SNX29: variants seen among roughly 807,000 people sequenced by gnomAD.
SNX29 encodes the protein sorting nexin 29, also known as sorting nexin-29.
In SNX29, 78 loss-of-function variants were observed where a neutral mutation model predicts 102.1. The observed-to-expected ratio is 0.76, with a 90% CI of 0.64 to 0.92. The LOEUF is 0.92. SNX29 is among the 40% of genes least tolerant of loss of function. SNX29 has a pLI of 0.00. For missense variants in SNX29, 1,280 were observed against 1,061.7 expected (o/e 1.21, Z -2.86); for synonymous variants, 580 against 414.5 (o/e 1.40, Z -4.85).
At chr16:12,409,715 G>T (rs998414837) in intron 18 of SNX29, among the ~76,000 whole-genome samples, 2 of 152,104 alleles carry the variant, frequency 1.3e-5, no homozygotes, top group Non-Finnish European at 2.9e-5. Flanking sequence ...CCTTAAAAAA[G>T]CTCACCTATT....
intron 16 of SNX29, among the ~76,000 whole-genome samples, chr16:12,365,402 T>G (rs1689214682): frequency 6.6e-6 from 1 of 151,246 alleles, no homozygotes; most frequent in African/African-American, 2.4e-5. Context: ...TGTCAGGCTC[T>G]TCGGAGGCCG....
intron 13 of SNX29, among the ~76,000 whole-genome samples, chr16:12,166,493 C>T (rs796197514): frequency 5.3e-5 from 8 of 152,240 alleles, no homozygotes; most frequent in African/African-American, 1.2e-4. Context: ...AGCAGGAAGG[C>T]GGGGGGCATA....
intron 20 of SNX29, among the ~76,000 whole-genome samples, chr16:12,562,708 G>C (rs1355189021): frequency 6.6e-6 from 1 of 152,182 alleles, no homozygotes; most frequent in African/African-American, 2.4e-5. Context: ...CGAGATTGAA[G>C]CCTACCGTGG....
At chr16:12,372,379 T>G (rs901111784) in intron 16 of SNX29, among the ~76,000 whole-genome samples, 2 of 152,248 alleles carry the variant, frequency 1.3e-5, no homozygotes, top group African/African-American at 4.8e-5. Flanking sequence ...TTTAAATTCC[T>G]GTAATCCTCT....
In SNX29 at chr16:12,345,601, T is replaced by C. The variant is rs182882256; in HGVS notation, c.1783-10562T>C. Among the ~76,000 whole-genome samples, 74 of 152,296 alleles carry C rather than the reference T, an allele frequency of 4.9e-4. 2 individuals carry two copies. Among genetic ancestry groups the C allele is most frequent in the Admixed American group, 2.6e-4 (4 of 15,304 alleles). ...GTAAGTGCTCAGAAAACAGTAACTG[T>C]TGTTGCCACTACTACTGGGGGATGA... On this transcript the variant is annotated intron_variant, in intron 15 of 20. Coordinates refer to ENST00000566228, the MANE Select transcript of SNX29 (RefSeq NM_032167.5).
At chr16:12,209,169 C>T (rs142124404) in intron 14 of SNX29, among the ~76,000 whole-genome samples, 5 of 152,276 alleles carry the variant, frequency 3.3e-5, no homozygotes, top group African/African-American at 9.6e-5. Context: ...GTGAAACTCA[C>T]GGGTTGCAGG....
At chr16:12,085,350 G>C (rs759420775) in intron 11 of SNX29, among the ~76,000 whole-genome samples, 1 of 152,124 alleles carries the variant, frequency 6.6e-6, no homozygotes, top group Non-Finnish European at 1.5e-5. Context: ...CCTTTTGGAC[G>C]GCGTCTCGCT....
At chr16:12,554,773 C>A (rs940628283) in intron 20 of SNX29, among the ~76,000 whole-genome samples, 1 of 147,656 alleles carries the variant, frequency 6.8e-6, no homozygotes, top group South Asian at 2.1e-4. Context: ...CTCTCTCCCC[C>A]GCCATAGAAT....
intron 19 of SNX29, among the ~76,000 whole-genome samples, chr16:12,502,247 C>T (rs1454092827): frequency 6.6e-6 from 1 of 152,132 alleles, no homozygotes; most frequent in Non-Finnish European, 1.5e-5. Context: ...GGCATGGGTT[C>T]TGGGGTCAGA....
chr16:12,030,592 C>T (rs140556728), intron 4 of SNX29, among the ~76,000 whole-genome samples: 5 of 152,152 alleles, frequency 3.3e-5, no homozygotes, highest in Admixed American at 6.5e-5. Flanking sequence ...TCTTTCTCCC[C>T]GACTTGTGTT....
chr16:12,468,812 G>C (rs2087199300), intron 18 of SNX29, among the ~76,000 whole-genome samples: 1 of 152,206 alleles, frequency 6.6e-6, no homozygotes, highest in Non-Finnish European at 1.5e-5. Context: ...TGAAGGAGGA[G>C]TACACACCCT....
intron 18 of SNX29, among the ~76,000 whole-genome samples, chr16:12,467,684 CCTT>C (rs765043585): frequency 1.6e-4 from 25 of 152,280 alleles, no homozygotes; most frequent in Middle Eastern, 6.8e-3. Flanking sequence ...TTCATTCTGT[CCTT>C]CTTAAAAGTT....
chr16:12,223,215 T>C (rs938017207), intron 14 of SNX29, among the ~76,000 whole-genome samples: 6 of 152,162 alleles, frequency 3.9e-5, no homozygotes, highest in African/African-American at 9.7e-5. Context: ...AGTTTACTTA[T>C]GTGTAAAATC....
At chr16:12,492,956 A>C (rs2088625723) in intron 19 of SNX29, among the ~76,000 whole-genome samples, 1 of 152,256 alleles carries the variant, frequency 6.6e-6, no homozygotes, top group Admixed American at 6.5e-5. Flanking sequence ...GTTTGAAGTC[A>C]GGTAGGGTGA....
intron 18 of SNX29, among the ~76,000 whole-genome samples, chr16:12,437,864 G>T (rs1597378039): frequency 1.3e-5 from 2 of 152,268 alleles, no homozygotes; most frequent in East Asian, 1.9e-4. Context: ...CTTCCCCCCA[G>T]CCCAGGGCCA....
chr16:12,431,759 C>T (rs2085326272), intron 18 of SNX29, among the ~76,000 whole-genome samples: 1 of 152,188 alleles, frequency 6.6e-6, no homozygotes, highest in Admixed American at 6.5e-5. Context: ...ATCTTCTGAG[C>T]TGTTACCTAA....
At chr16:12,407,085 A>G (rs574776146) in intron 18 of SNX29, among the ~76,000 whole-genome samples, 3 of 152,180 alleles carry the variant, frequency 2.0e-5, no homozygotes, top group South Asian at 2.1e-4. Flanking sequence ...AGCGTGTGGG[A>G]TGGCAAGATG....
Position 12,570,174 on chromosome 16 carries a change from G to T in SNX29, c.*1545G>T. ...ACACACAGCGCCCCCCCACCCCAGA[G>T]AAACCGAGTCAGCCTACATGACTTC... On this transcript the variant is annotated 3_prime_UTR_variant, in exon 21 of 21. Coordinates refer to ENST00000566228, the MANE Select transcript of SNX29 (RefSeq NM_032167.5). 2 of 1,065,416 alleles carry T rather than the reference G, an allele frequency of 1.9e-6. No individual in the cohort carries two copies. The highest frequency in any genetic ancestry group is 9.1e-5 in the South Asian group (2 of 22,016). The allele number at this position is 1,065,416 out of a possible 1,614,324, so 66.0% of individuals were successfully genotyped here. A position where few individuals can be genotyped will look rare whatever the true frequency, so the allele number is the denominator to read the frequency against.
chr16:12,144,999 G>C (rs1263659114), intron 13 of SNX29, among the ~76,000 whole-genome samples: 1 of 152,216 alleles, frequency 6.6e-6, no homozygotes, highest in Non-Finnish European at 1.5e-5. Flanking sequence ...GGGATTACAG[G>C]CGTGAGCCGC....
Sources: gnomAD v4.1 joint callset for allele counts (sites outside exome capture counted in the v4.1 genomes callset) on GRCh38, gnomAD v4.1.1 for gene constraint, MANE v1.5 for transcripts, NCBI Gene and HGNC (gene_info 2026-07-23, HGNC 2026-07-21) for gene names.